SYT7: variants seen among roughly 807,000 people sequenced by gnomAD.
SYT7 encodes the protein synaptotagmin 7.
SYT7 carries 29 observed loss-of-function variants against 75.1 expected under a neutral mutation model. The observed-to-expected ratio is 0.39, with a 90% confidence interval of 0.29 to 0.53. The LOEUF is 0.53. Ranked by LOEUF, SYT7 falls within the 20% of genes least tolerant of loss-of-function variation. The pLI is 0.77. For synonymous variants in SYT7, 376 were observed against 401.7 expected, an observed-to-expected ratio of 0.94 and a Z score of 0.76; for missense variants, 693 against 953.2, an observed-to-expected ratio of 0.73 and a Z score of 3.59.
intron 1 of SYT7, among the ~76,000 whole-genome samples, chr11:61,579,558 G>A (rs1310917548): frequency 2.6e-5 from 4 of 152,256 alleles, no homozygotes; most frequent in Non-Finnish European, 5.9e-5. Context: ...CGATTCCTCA[G>A]GAGGCAGGGA....
chr11:61,559,571 A>G (rs1183085943), intron 1 of SYT7, among the ~76,000 whole-genome samples: 2 of 151,994 alleles, frequency 1.3e-5, no homozygotes, highest in Non-Finnish European at 2.9e-5. Context: ...CTACAGTAGG[A>G]AGCAGCTGGA....
chr11:61,584,892 G>A (rs1277367377), upstream of SYT7, among the ~76,000 whole-genome samples: 1 of 152,234 alleles, frequency 6.6e-6, no homozygotes, highest in Non-Finnish European at 1.5e-5. Context: ...ACAGAAGGGG[G>A]GCCCAAAGAG....
chr11:61,538,340 AGAGAGG>A lies in SYT7; in HGVS notation c.942-80_942-75del, dbSNP rs1209370186. 4.2e-5 allele frequency: 38 copies of A among 902,588 alleles called. No individual in the cohort carries two copies. The African/African-American group carries it at 6.2e-4, about 15-fold the overall frequency. The allele number at this position is 902,588 out of a possible 1,614,324, so 55.9% of individuals were successfully genotyped here. On this transcript the variant is annotated intron_variant, in intron 6 of 12. Coordinates refer to ENST00000539008, the MANE Select transcript of SYT7 (RefSeq NM_001365809.2). ...GTGGGCGGGGGCAGGGGGGAAGGAG[AGAGAGG>A]GAGAGAGAGAGAGAGAGAGAGAGAG...
intron 1 of SYT7, among the ~76,000 whole-genome samples, chr11:61,577,365 T>C (rs2064112704): frequency 1.3e-5 from 2 of 152,200 alleles, no homozygotes; most frequent in African/African-American, 4.8e-5. Context: ...CATGTGCCGA[T>C]GGGGCAGGCT....
At chr11:61,560,254 T>A (rs1426157310) in intron 1 of SYT7, among the ~76,000 whole-genome samples, 1 of 152,122 alleles carries the variant, frequency 6.6e-6, no homozygotes, top group African/African-American at 2.4e-5. Flanking sequence ...CAAGAGGTAG[T>A]CTTTGGAACC....
At chr11:61,532,654 T>C (rs2062745670) in intron 8 of SYT7, among the ~76,000 whole-genome samples, 1 of 152,168 alleles carries the variant, frequency 6.6e-6, no homozygotes, top group Non-Finnish European at 1.5e-5. Flanking sequence ...ATCCTGAAAG[T>C]ATCTTGCATG....
rs2063197290 is a variant in SYT7 at position 61,546,566 on chromosome 11, G to A, written c.348-311C>T. On this transcript the variant is annotated intron_variant, in intron 4 of 12. Coordinates refer to ENST00000539008, the MANE Select transcript of SYT7 (RefSeq NM_001365809.2). This position sits in a 1 kb window ranked among gnomAD's most constrained non-coding sequence, Gnocchi z 7.6. ...AACGGAGGGGGGGCCCCTCCCCACC[G>A]CCTGGGGCAGGGGCGGCGGGGGTTG... 4 of 458,228 alleles carry A rather than the reference G, an allele frequency of 8.7e-6. No homozygotes were observed. The highest frequency in any genetic ancestry group is 2.7e-5 in the Admixed American group (1 of 37,058). 28.4% of individuals were successfully genotyped at this position (458,228 alleles called of 1,614,324 possible). A position where few individuals can be genotyped will look rare whatever the true frequency, so the allele number is the denominator to read the frequency against.
chr11:61,569,430 G>C (rs1024124731), intron 1 of SYT7, among the ~76,000 whole-genome samples: 1 of 152,120 alleles, frequency 6.6e-6, no homozygotes. Flanking sequence ...AAGTGGGAGA[G>C]AGCAAGGGGA....
rs767232585 is a variant in SYT7, at chr11:61,576,881, T to C, written c.31+3909A>G. Among the ~76,000 whole-genome samples the C allele has an allele frequency of 2.9e-4, 44 of 152,230 alleles. No individual in the cohort carries two copies. Among genetic ancestry groups the C allele is most frequent in the Admixed American group, 6.5e-4 (10 of 15,300 alleles). On this transcript the variant is annotated intron_variant, in intron 1 of 12. Coordinates refer to ENST00000539008, the MANE Select transcript of SYT7 (RefSeq NM_001365809.2). The surrounding 1 kb of genome is among the most constrained non-coding windows in gnomAD (Gnocchi z 4.1). ...CCTCAATGCCCCTTAAGCCTGAGCT[T>C]GGGGTCAGCCAGGAGCAGAACCCAG...
chr11:61,523,312 G>A lies in SYT7; in HGVS notation c.1757-38C>T. 6.3e-7 allele frequency: 1 copy of A among 1,587,548 alleles called. No homozygotes were observed. Among genetic ancestry groups the A allele is most frequent in the Non-Finnish European group, 8.6e-7 (1 of 1,156,160 alleles). ...GTGGGGAAGGGTTAGAGGGACCGTGGGGGAGGGACTTCCTAGGATCCTTTT... is the reference window on the plus strand; with the variant it reads ...GTGGGGAAGGGTTAGAGGGACCGTGAGGGAGGGACTTCCTAGGATCCTTTT... On this transcript the variant is annotated intron_variant, in intron 11 of 12. Coordinates refer to ENST00000539008, the MANE Select transcript of SYT7 (RefSeq NM_001365809.2). The surrounding 1 kb of genome is among the most constrained non-coding windows in gnomAD (Gnocchi z 5.0).
chr11:61,546,332 G>A lies in SYT7; in HGVS notation c.348-77C>T, dbSNP rs2063188718. ...GGGGGAGAGAGGGCAGGCCATACGT[G>A]GGGGTCGGGGGGTGGAAGAGGAAGA... On this transcript the variant is annotated intron_variant, in intron 4 of 12. Transcript: ENST00000539008. This position sits in a 1 kb window ranked among gnomAD's most constrained non-coding sequence, Gnocchi z 7.6. 1 of 955,664 alleles carries A rather than the reference G, an allele frequency of 1.0e-6. No individual in the cohort carries two copies. The highest frequency in any genetic ancestry group is 1.7e-5 in the African/African-American group (1 of 57,524). The allele number at this position is 955,664 out of a possible 1,614,324, so 59.2% of individuals were successfully genotyped here.
chr11:61,564,615 T>A (rs2063719207), intron 1 of SYT7, among the ~76,000 whole-genome samples: 1 of 152,324 alleles, frequency 6.6e-6, no homozygotes, highest in East Asian at 1.9e-4. Context: ...TGGCTCTTAC[T>A]CTTGTTCCAC....
chr11:61,552,824 T>C (rs1021761427), intron 2 of SYT7, among the ~76,000 whole-genome samples: 1 of 152,174 alleles, frequency 6.6e-6, no homozygotes, highest in Non-Finnish European at 1.5e-5. Flanking sequence ...GCCTCTTTCC[T>C]CCTTTCTGAA....
intron 1 of SYT7, among the ~76,000 whole-genome samples, chr11:61,562,045 T>C (rs1451445492): frequency 2.0e-5 from 3 of 148,658 alleles, no homozygotes; most frequent in East Asian, 1.9e-4. Flanking sequence ...TGCACACACA[T>C]ATGCACACAC....
upstream of SYT7, among the ~76,000 whole-genome samples, chr11:61,583,572 A>T (rs1158706680): frequency 1.3e-5 from 2 of 152,176 alleles, no homozygotes; most frequent in Non-Finnish European, 2.9e-5. Flanking sequence ...TGGAGTAAGA[A>T]TCACTCTGGT....
chr11:61,564,153 C>CTGTA (rs1404224696), intron 1 of SYT7, among the ~76,000 whole-genome samples: 1 of 152,224 alleles, frequency 6.6e-6, no homozygotes, highest in Non-Finnish European at 1.5e-5. Context: ...CTCCCACAGC[C>CTGTA]TGTAGCCTAG....
intron 3 of SYT7, 65 bp from the exon 4 acceptor site, chr11:61,547,373 C>T: frequency 6.6e-7 from 1 of 1,521,998 alleles, no homozygotes; most frequent in Non-Finnish European, 8.8e-7. Context: ...ACTGCAAGTC[C>T]TGCGGGGGCA....
At chr11:61,573,057 G>A (rs2135435906) in intron 1 of SYT7, among the ~76,000 whole-genome samples, 1 of 151,432 alleles carries the variant, frequency 6.6e-6, no homozygotes, top group South Asian at 2.1e-4. Context: ...TGTGCCAGTG[G>A]CCGTGGGCAT....
At position 61,518,067 on chromosome 11, in the gene SYT7, G is replaced by A; in HGVS notation, c.*560C>T. On this transcript the variant is annotated 3_prime_UTR_variant, in exon 13 of 13. Coordinates refer to ENST00000539008, the MANE Select transcript of SYT7 (RefSeq NM_001365809.2). ...TCTGTCCCCACGCACACACACAATG[G>A]ACACAACACGAGTACAAAGGGCCAC... The A allele has an allele frequency of 6.3e-6, 1 of 158,342 alleles. No individual in the cohort carries two copies. Among genetic ancestry groups the A allele is most frequent in the Non-Finnish European group, 1.4e-5 (1 of 72,406 alleles). 9.8% of individuals were successfully genotyped at this position (158,342 alleles called of 1,614,324 possible).
Sources: allele counts gnomAD v4.1 joint callset (sites outside exome capture counted in the v4.1 genomes callset), GRCh38; gene constraint gnomAD v4.1.1; non-coding constraint Gnocchi (gnomAD v3.1); transcripts MANE v1.5; gene names NCBI Gene and HGNC (gene_info 2026-07-23, HGNC 2026-07-21).